Variants in L3MBTL4 observed in about 807,000 individuals in gnomAD.
L3MBTL4 encodes the protein lethal(3)malignant brain tumor-like protein 4.
In L3MBTL4, 70 loss-of-function variants were observed where a neutral mutation model predicts 84.5. The ratio of observed to expected loss-of-function variants is 0.83; its 90% CI spans 0.68 to 1.01. The LOEUF is 1.01. Among genes scored for constraint, L3MBTL4 ranks in the 50% least tolerant of loss-of-function variants. L3MBTL4 has a pLI of 0.00. For missense variants in L3MBTL4, 715 were observed against 754.8 expected (o/e 0.95, Z 0.62); for synonymous variants, 274 against 259.8 (o/e 1.05, Z -0.52).
intron 3 of L3MBTL4, 102 bp downstream of exon 3, chr18:6,311,452 C>A (rs1025490516): frequency 2.2e-6 from 2 of 910,370 alleles, no homozygotes; most frequent in Non-Finnish European, 1.8e-6. Flanking sequence ...TTTCAAGTGA[C>A]TGAAAAGCCC....
At chr18:6,021,241 C>A (rs1285356928) in intron 16 of L3MBTL4, among the ~76,000 whole-genome samples, 1 of 152,180 alleles carries the variant, frequency 6.6e-6, no homozygotes, top group Non-Finnish European at 1.5e-5. Flanking sequence ...CTGCTGTAGG[C>A]TGAGGGCGGG....
At chr18:6,159,487 G>A (rs1256990539) in intron 13 of L3MBTL4, among the ~76,000 whole-genome samples, 2 of 152,146 alleles carry the variant, frequency 1.3e-5, no homozygotes, top group East Asian at 1.9e-4. Context: ...TGGTGACTAG[G>A]ATAAGAGAAG....
chr18:6,402,534 C>T (rs2055556086), intron 1 of L3MBTL4, among the ~76,000 whole-genome samples: 1 of 152,098 alleles, frequency 6.6e-6, no homozygotes, highest in Non-Finnish European at 1.5e-5. Context: ...TACAAGGCAG[C>T]CCATTCCAAC....
chr18:6,411,697 A>G (rs2055970831), intron 1 of L3MBTL4, among the ~76,000 whole-genome samples: 1 of 151,938 alleles, frequency 6.6e-6, no homozygotes, highest in African/African-American at 2.4e-5. Context: ...TTTTCTCTCA[A>G]TGCTAGTTTA....
chr18:6,126,824 G>A (rs2059711054), intron 14 of L3MBTL4, among the ~76,000 whole-genome samples: 1 of 152,124 alleles, frequency 6.6e-6, no homozygotes, highest in Admixed American at 6.5e-5. Context: ...GAATTAAAAG[G>A]TTCTTTAAAA....
At chr18:5,970,380 C>A (rs2052582344) in intron 16 of L3MBTL4, among the ~76,000 whole-genome samples, 1 of 152,222 alleles carries the variant, frequency 6.6e-6, no homozygotes, top group African/African-American at 2.4e-5. Context: ...TTCAGCCCCA[C>A]ACTTATCAAC....
At position 5,956,884 on chromosome 18, in the gene L3MBTL4, C is replaced by G. The variant is rs140227873; in HGVS notation, c.1678-497G>C. Among the ~76,000 whole-genome samples the G allele has an allele frequency of 6.1e-4, 92 of 149,744 alleles. No homozygotes were observed. In the East Asian group the frequency reaches 0.017, roughly 28 times the overall value. On this transcript the variant is annotated intron_variant, in intron 18 of 18. Coordinates refer to ENST00000317931, the MANE Select transcript of L3MBTL4 (RefSeq NM_001330559.2). ...ACTATGCAGTCACCCAAAATCAACTCTCTTGAAACATTTAATGATTTAGGA... is the reference window on the plus strand; with the variant it reads ...ACTATGCAGTCACCCAAAATCAACTGTCTTGAAACATTTAATGATTTAGGA...
chr18:6,406,047 C>T (rs1301632030), intron 1 of L3MBTL4, among the ~76,000 whole-genome samples: 3 of 152,244 alleles, frequency 2.0e-5, no homozygotes, highest in Admixed American at 6.5e-5. Context: ...TGATTTCCAA[C>T]TGTGCAAGTG....
At chr18:6,103,527 G>A (rs2058901308) in intron 14 of L3MBTL4, among the ~76,000 whole-genome samples, 2 of 152,204 alleles carry the variant, frequency 1.3e-5, no homozygotes, top group South Asian at 4.1e-4. Context: ...AAGGACACCT[G>A]GAAAATAACT....
At chr18:6,296,880 A>G (rs1480676989) in intron 4 of L3MBTL4, among the ~76,000 whole-genome samples, 4 of 152,186 alleles carry the variant, frequency 2.6e-5, no homozygotes, top group African/African-American at 9.7e-5. Flanking sequence ...TCACAGGTAA[A>G]TGGGAGGGAG....
rs1225391865 is a variant in L3MBTL4 at position 6,093,637 on chromosome 18, A to G, written c.1200-109T>C. On this transcript the variant is annotated intron_variant, in intron 14 of 18. Transcript: ENST00000317931. ...TAATATTTAAAAATTGCATAGAAAC[A>G]TTCTTCTTTCCCTGAGCACACTCAA... is the stretch of plus-strand genomic sequence containing the variant. 3 of 869,152 alleles carry G rather than the reference A, an allele frequency of 3.5e-6. No homozygotes were observed. In the South Asian group the frequency reaches 8.5e-5, roughly 25 times the overall value. The allele number at this position is 869,152 out of a possible 1,614,324, so 53.8% of individuals were successfully genotyped here.
chr18:6,284,634 G>T (rs1301751051), intron 4 of L3MBTL4, among the ~76,000 whole-genome samples: 1 of 152,210 alleles, frequency 6.6e-6, no homozygotes, highest in Non-Finnish European at 1.5e-5. Flanking sequence ...TCCACATCAG[G>T]CTCTCCTCCA....
At chr18:6,014,972 G>C (rs571296137) in intron 16 of L3MBTL4, among the ~76,000 whole-genome samples, 1 of 128,864 alleles carries the variant, frequency 7.8e-6, no homozygotes, top group East Asian at 2.4e-4. Flanking sequence ...GGAGTGGACT[G>C]AAGTGGGGTG....
chr18:6,236,104 G>T lies in L3MBTL4; in HGVS notation c.784+1860C>A, dbSNP rs1473253299. The stretch of plus-strand genomic sequence containing the variant: ...ATTCACAAGTTAATTCTAAAATTCA[G>T]ATAGAAATGCAAGGGACTGAGAAGA... On this transcript the variant is annotated intron_variant, in intron 10 of 18. Coordinates refer to ENST00000317931, the MANE Select transcript of L3MBTL4 (RefSeq NM_001330559.2). 4.6e-5 allele frequency among the ~76,000 whole-genome samples: 7 copies of T among 152,234 alleles called. No homozygotes were observed. The East Asian group carries it at 1.4e-3, about 29-fold the overall frequency.
At chr18:6,032,415 C>CACAA in intron 16 of L3MBTL4, 1 of 628,456 alleles carries the variant, frequency 1.6e-6, no homozygotes, top group South Asian at 7.0e-5. Flanking sequence ...CACACACACA[C>CACAA]AATCTGCATC....
intron 15 of L3MBTL4, among the ~76,000 whole-genome samples, chr18:6,081,576 G>A (rs61216159): frequency 0.022 from 3,386 of 152,250 alleles, 129 homozygotes; most frequent in African/African-American, 0.078. Flanking sequence ...AGGCCTGTGA[G>A]ATAATCAAGT....
intron 14 of L3MBTL4, among the ~76,000 whole-genome samples, chr18:6,116,349 G>A (rs1598801640): frequency 6.8e-6 from 1 of 146,634 alleles, no homozygotes; most frequent in South Asian, 2.2e-4. Context: ...TGTTGTTGTG[G>A]TTGTTGCTGG....
chr18:6,170,055 TA>T (rs1012110320), intron 13 of L3MBTL4, among the ~76,000 whole-genome samples: 16 of 152,162 alleles, frequency 1.1e-4, no homozygotes, highest in African/African-American at 3.6e-4. Context: ...TTATCTCATT[TA>T]ATAATTATAA....
chr18:6,345,253 C>T (rs1202065059), intron 1 of L3MBTL4, among the ~76,000 whole-genome samples: 2 of 148,944 alleles, frequency 1.3e-5, no homozygotes, highest in South Asian at 2.2e-4. Context: ...AAAAAAGAGC[C>T]GGGCATGGCA....
Sources: allele counts gnomAD v4.1 joint callset (sites outside exome capture counted in the v4.1 genomes callset), GRCh38; gene constraint gnomAD v4.1.1; transcripts MANE v1.5; gene names NCBI Gene and HGNC (gene_info 2026-07-23, HGNC 2026-07-21).